Variants in CDKL5 observed in about 807,000 individuals in gnomAD.
CDKL5 encodes cyclin dependent kinase like 5.
A neutral mutation model predicts 61.7 loss-of-function variants in CDKL5; 8 were observed. The ratio of observed to expected loss-of-function variants is 0.13; its 90% CI spans 0.08 to 0.23. The LOEUF is 0.23. CDKL5 is among the 10% of genes least tolerant of loss of function. CDKL5 has a pLI of 1.00. For synonymous variants in CDKL5, 275 were observed against 272.3 expected (o/e 1.01, Z -0.10); for missense variants, 440 against 734.5 (o/e 0.60, Z 4.63).
chrX:18,600,569 T>C (rs2147157675), intron 11 of CDKL5, among the ~76,000 whole-genome samples: 1 of 112,172 alleles, frequency 8.9e-6, no homozygotes, highest in East Asian at 2.8e-4. Flanking sequence ...TAGTGATTAG[T>C]GATATAACCC....
chrX:18,455,981 C>A (rs766611580), intron 1 of CDKL5, among the ~76,000 whole-genome samples: 1 of 111,856 alleles, frequency 8.9e-6, no homozygotes. Context: ...TGATACCCAA[C>A]AAACTGAATG....
At chrX:18,623,951 T>A in intron 16 of CDKL5, 1 of 748,251 alleles carries the variant, frequency 1.3e-6, no homozygotes, top group South Asian at 6.8e-5. Context: ...AAAGAATCAT[T>A]TAAAGCATAG....
At chrX:18,496,097 C>T (rs1186400885) in intron 1 of CDKL5, among the ~76,000 whole-genome samples, 1 of 112,074 alleles carries the variant, frequency 8.9e-6, no homozygotes, top group Non-Finnish European at 1.9e-5. Context: ...TAAAACCAAA[C>T]TCTGTAAAAT....
intron 1 of CDKL5, among the ~76,000 whole-genome samples, chrX:18,462,068 T>C (rs1461703710): frequency 9.2e-6 from 1 of 108,489 alleles, no homozygotes; most frequent in Non-Finnish European, 1.9e-5. Context: ...AGACATGAGA[T>C]TTTTTTTGCG....
chrX:18,582,607 T>C (rs1002216429), intron 7 of CDKL5, among the ~76,000 whole-genome samples: 21 of 111,820 alleles, frequency 1.9e-4, no homozygotes, highest in African/African-American at 6.5e-4. Context: ...TTGCCTAACC[T>C]GTATGCTGAA....
intron 3 of CDKL5, among the ~76,000 whole-genome samples, chrX:18,542,741 C>A (rs1482087101): frequency 1.8e-5 from 2 of 108,575 alleles, no homozygotes; most frequent in Non-Finnish European, 3.8e-5. Flanking sequence ...AGCAGGTAGC[C>A]ACCCAGTTGA....
chrX:18,428,892 T>G (rs1277250848), intron 1 of CDKL5, among the ~76,000 whole-genome samples: 3 of 111,662 alleles, frequency 2.7e-5, no homozygotes, highest in African/African-American at 9.8e-5. Flanking sequence ...ACTTTCTGTT[T>G]GGAGGTTTTT....
intron 3 of CDKL5, among the ~76,000 whole-genome samples, chrX:18,541,016 T>G (rs1319847227): frequency 8.9e-6 from 1 of 112,090 alleles, no homozygotes; most frequent in Admixed American, 9.5e-5. Flanking sequence ...GCTTGAAAAT[T>G]GTGCTGTTTC....
chrX:18,480,873 TTG>T (rs1921523688), intron 1 of CDKL5, among the ~76,000 whole-genome samples: 1 of 99,179 alleles, frequency 1.0e-5, no homozygotes. Context: ...TTTTTTTTTT[TTG>T]GAGAGGAAGT....
At chrX:18,546,395 G>A (rs1182148329) in intron 3 of CDKL5, among the ~76,000 whole-genome samples, 1 of 107,821 alleles carries the variant, frequency 9.3e-6, no homozygotes, top group Non-Finnish European at 1.9e-5. Context: ...CCTAGTAGCT[G>A]GGATTACAGG....
chrX:18,510,524 C>T (rs1922790122), intron 2 of CDKL5, among the ~76,000 whole-genome samples: 1 of 112,352 alleles, frequency 8.9e-6, no homozygotes, highest in African/African-American at 3.2e-5. Context: ...GTTCTTGAGA[C>T]CAAATCTTGT....
chrX:18,498,297 A>G (rs775244970), intron 1 of CDKL5, among the ~76,000 whole-genome samples: 13 of 112,442 alleles, frequency 1.2e-4, no homozygotes, highest in Non-Finnish European at 2.4e-4. Flanking sequence ...AAAAGAAACA[A>G]TGCTGTTGTA....
intron 8 of CDKL5, among the ~76,000 whole-genome samples, chrX:18,584,696 A>G (rs766253387): frequency 9.0e-6 from 1 of 111,467 alleles, no homozygotes; most frequent in East Asian, 2.8e-4. Flanking sequence ...ATCCCTGGAA[A>G]CTTATCCTCC....
At chrX:18,524,011 A>G (rs1255487917) in intron 3 of CDKL5, among the ~76,000 whole-genome samples, 3 of 111,789 alleles carry the variant, frequency 2.7e-5, no homozygotes, top group Non-Finnish European at 5.6e-5. Context: ...TTCTCTGTAT[A>G]AGGTACCATC....
At chrX:18,613,612 G>A (rs945123852) in intron 15 of CDKL5, among the ~76,000 whole-genome samples, 2 of 111,701 alleles carry the variant, frequency 1.8e-5, no homozygotes, top group Non-Finnish European at 3.8e-5. Context: ...GATGTGCATC[G>A]TCTCAGTCAG....
At chrX:18,555,813 G>A (rs1487063425) in intron 3 of CDKL5, among the ~76,000 whole-genome samples, 1 of 112,261 alleles carries the variant, frequency 8.9e-6, no homozygotes, top group Non-Finnish European at 1.9e-5. Context: ...ACATAAAGCA[G>A]AGGTCCAATA....
At chrX:18,468,392 T>C (rs967361355) in intron 1 of CDKL5, among the ~76,000 whole-genome samples, 4 of 112,515 alleles carry the variant, frequency 3.6e-5, no homozygotes, top group African/African-American at 1.3e-4. Context: ...TTTCTTTCTT[T>C]TCCCAGTGGT....
chrX:18,501,539 T>A (rs765004665), intron 1 of CDKL5, among the ~76,000 whole-genome samples: 291 of 111,070 alleles, frequency 2.6e-3, no homozygotes, highest in Non-Finnish European at 3.8e-3. Flanking sequence ...ATGTTTTTTT[T>A]AAAAAATTTT....
chrX:18,633,676 G>T lies in CDKL5; in HGVS notation c.*4919G>T. 1.3e-6 allele frequency: 1 copy of T among 754,174 alleles called. No individual in the cohort carries two copies. Among genetic ancestry groups the T allele is most frequent in the Non-Finnish European group, 1.6e-6 (1 of 639,364 alleles). The allele number at this position is 754,174 out of a possible 1,213,427, so 62.2% of individuals were successfully genotyped here. ...GAAGTGGGGTGGCTAGGAAACTCTGGGCCTGCTGCCCCCTTCGATTCTTTT... is the reference window on the plus strand; with the variant it reads ...GAAGTGGGGTGGCTAGGAAACTCTGTGCCTGCTGCCCCCTTCGATTCTTTT... On this transcript the variant is annotated 3_prime_UTR_variant, in exon 18 of 18. Transcript: ENST00000623535.
Sources: gnomAD v4.1 joint callset for allele counts (sites outside exome capture counted in the v4.1 genomes callset) on GRCh38, gnomAD v4.1.1 for gene constraint, MANE v1.5 for transcripts, NCBI Gene and HGNC (gene_info 2026-07-23, HGNC 2026-07-21) for gene names.